STXBP2: variants seen among roughly 807,000 people sequenced by gnomAD.
STXBP2 encodes syntaxin binding protein 2, also known as syntaxin-binding protein 2.
In STXBP2, 47 loss-of-function variants were observed where a neutral mutation model predicts 72.2. The observed-to-expected ratio is 0.65, with a 90% CI of 0.51 to 0.83. The LOEUF is 0.83. Ranked by LOEUF, STXBP2 falls within the 40% of genes least tolerant of loss-of-function variation. The pLI, the probability that STXBP2 is intolerant of heterozygous loss-of-function variation, is 0.00. For synonymous variants in STXBP2, 367 were observed against 338.7 expected, an observed-to-expected ratio of 1.08 and a Z score of -0.92; for missense variants, 702 against 807.6, an observed-to-expected ratio of 0.87 and a Z score of 1.58.
At chr19:7,644,939 G>A in intron 14 of STXBP2, 187 bp downstream of exon 14, 12 of 1,454,170 alleles carry the variant, frequency 8.3e-6, no homozygotes, top group Non-Finnish European at 9.9e-6. Context: ...ACTGAGGTGA[G>A]GGCTCCCTGC....
Position 7,639,803 on chromosome 19 carries a change from A to G in STXBP2, c.242A>G (p.Glu81Gly), listed in dbSNP as rs779176001. Reference protein sequence around the residue: ...LEAIYLLSPTEKSVQALIKDF... With the variant: ...LEAIYLLSPTGKSVQALIKDF... ...GCCATTTATTTGCTGAGCCCCACGG[A>G]GAAGGTGCCTACATGAGTGAGCGTG... The change falls in exon 4 of 19, where the codon GAG becomes GGG. Residue 81 changes from glutamate to glycine, a missense_variant. By Grantham distance (98) the Glu-to-Gly change is moderately conservative (BLOSUM62 -2). Transcript: ENST00000221283. The G allele has an allele frequency of 4.3e-6, 7 of 1,613,780 alleles. No homozygotes were observed. The highest frequency in any genetic ancestry group is 4.2e-6 in the Non-Finnish European group (5 of 1,179,980).
chr19:7,640,442 A>ATG, intron 4 of STXBP2: 2 of 601,962 alleles, frequency 3.3e-6, no homozygotes, highest in Non-Finnish European at 6.0e-6. Context: ...GTGTGTGTGC[A>ATG]TGTGTGTATG....
At chr19:7,643,342 G>A in intron 13 of STXBP2, 97 bp downstream of exon 13, 2 of 1,336,374 alleles carry the variant, frequency 1.5e-6, no homozygotes, top group Non-Finnish European at 2.1e-6. Context: ...CTGGGGGAGG[G>A]GCAGGGCTTG....
chr19:7,640,254 ATG>A (rs1491288198), intron 4 of STXBP2: 17 of 494,650 alleles, frequency 3.4e-5, no homozygotes, highest in East Asian at 1.0e-4. Flanking sequence ...CTGTGTGTGC[ATG>A]TGTGTATGCG....
intron 13 of STXBP2, chr19:7,644,222 G>A (rs2032035873): frequency 5.6e-6 from 1 of 177,568 alleles, no homozygotes; most frequent in East Asian, 3.1e-4. Flanking sequence ...TGGAACCTCG[G>A]AGAGGTGGGA....
upstream of STXBP2, chr19:7,632,672 C>T: frequency 6.4e-7 from 1 of 1,550,572 alleles, no homozygotes; most frequent in South Asian, 1.2e-5. This position sits in a 1 kb window ranked among gnomAD's most constrained non-coding sequence, Gnocchi z 5.2. Context: ...TGCACTCCCA[C>T]CCCGTTCACG....
At chr19:7,630,664 G>C in the STXBP2 span, 1 of 1,536,776 alleles carries the variant, frequency 6.5e-7, no homozygotes, top group African/African-American at 1.4e-5. Flanking sequence ...CGCAAGGTGG[G>C]CATAAGAGGA....
upstream of STXBP2, chr19:7,636,138 C>A (rs1362478216): frequency 6.6e-6 from 1 of 152,202 alleles, no homozygotes; most frequent in Non-Finnish European, 1.5e-5. Context: ...TTTCCTATCT[C>A]CCCCAGACCT....
At chr19:7,632,963 G>T (rs1268250292), upstream of STXBP2, 6 of 1,470,012 alleles carry the variant, frequency 4.1e-6, no homozygotes, top group South Asian at 1.4e-5. This position sits in a 1 kb window ranked among gnomAD's most constrained non-coding sequence, Gnocchi z 5.2. Flanking sequence ...CATGGTCCCC[G>T]CCGATCCTCT....
At chr19:7,641,621 G>T in intron 6 of STXBP2, 84 bp from the exon 7 acceptor site, 1 of 1,536,164 alleles carries the variant, frequency 6.5e-7, no homozygotes, top group South Asian at 1.2e-5. Context: ...CGGCTCCCAG[G>T]AGGTGCAGGT....
chr19:7,631,552 C>T, the STXBP2 span: 13 of 1,535,866 alleles, frequency 8.5e-6, no homozygotes, highest in Non-Finnish European at 1.1e-5. Flanking sequence ...CAGCAGAACT[C>T]CTGAGGCCTC....
the STXBP2 span, chr19:7,629,984 G>C: frequency 8.3e-7 from 1 of 1,208,448 alleles, no homozygotes; most frequent in Non-Finnish European, 1.1e-6. Context: ...CTTAAGATTT[G>C]AGAGGAACCT....
At chr19:7,636,332 GAC>G (rs2031533087), upstream of STXBP2, 3 of 152,122 alleles carry the variant, frequency 2.0e-5, no homozygotes, top group Admixed American at 2.0e-4. Context: ...CAAGCGACAG[GAC>G]ACACAGCAGA....
chr19:7,644,512 A>C (rs56124229), intron 13 of STXBP2, 102 bp from the exon 14 acceptor site: 5 of 1,530,332 alleles, frequency 3.3e-6, no homozygotes, highest in Non-Finnish European at 4.4e-6. Context: ...GTAGGACCCA[A>C]ATGTCCTCTT....
At chr19:7,640,128 ATG>A (rs1568464715) in intron 4 of STXBP2, 2 of 497,468 alleles carry the variant, frequency 4.0e-6, no homozygotes, top group Non-Finnish European at 7.5e-6. Flanking sequence ...ATGCGTGTGT[ATG>A]TATGTGTGTG....
intron 6 of STXBP2, 86 bp downstream of exon 6, chr19:7,641,089 G>A (rs1296155437): frequency 7.2e-7 from 1 of 1,386,288 alleles, no homozygotes; most frequent in Non-Finnish European, 1.0e-6. Context: ...CTGAGGCTGG[G>A]CGCAGTGGCT....
At chr19:7,633,295 CAG>C (rs1491132309), upstream of STXBP2, 6 of 1,116,352 alleles carry the variant, frequency 5.4e-6, no homozygotes, top group African/African-American at 1.5e-5. Flanking sequence ...ACAACTGGGT[CAG>C]GGGGTCCTAG....
chr19:7,640,086 CTGTG>C (rs201091740), intron 4 of STXBP2: 9 of 578,332 alleles, frequency 1.6e-5, no homozygotes, highest in Admixed American at 2.3e-5. Flanking sequence ...GTCTGTGGGT[CTGTG>C]TGTGCATTTG....
chr19:7,639,372 C>T (rs1037907633), intron 3 of STXBP2: 5 of 593,384 alleles, frequency 8.4e-6, no homozygotes, highest in African/African-American at 7.4e-5. Context: ...TCGTGGAGCC[C>T]TGTGTGGGAC....
Sources: gnomAD v4.1 joint callset for allele counts on GRCh38, gnomAD v4.1.1 for gene constraint, Gnocchi (gnomAD v3.1) non-coding constraint, MANE v1.5 for transcripts, NCBI Gene and HGNC (gene_info 2026-07-23, HGNC 2026-07-21) for gene names.